The following PPP2R5C variants were observed in gnomAD, a reference collection of about 807,000 sequenced individuals.
PPP2R5C encodes the protein protein phosphatase 2 regulatory subunit B'gamma.
A neutral mutation model predicts 68.9 loss-of-function variants in PPP2R5C; 7 were observed. The observed-to-expected ratio is 0.10, with a 90% CI of 0.06 to 0.19. PPP2R5C has a LOEUF of 0.19. Ranked by LOEUF, PPP2R5C falls within the 10% of genes least tolerant of loss-of-function variation. The pLI is 1.00. For missense variants in PPP2R5C, 348 were observed against 641.3 expected (o/e 0.54, Z 4.94); for synonymous variants, 210 against 222.2 (o/e 0.95, Z 0.49).
intron 13 of PPP2R5C, among the ~76,000 whole-genome samples, chr14:101,920,299 G>A (rs2046939803): frequency 4.6e-5 from 7 of 152,204 alleles, no homozygotes; most frequent in Admixed American, 4.6e-4. Context: ...CCCTTAGAAA[G>A]GGGCACGTCC....
chr14:101,809,719 G>A, upstream of PPP2R5C: 1 of 910,626 alleles, frequency 1.1e-6, no homozygotes, highest in Non-Finnish European at 1.5e-6. Flanking sequence ...AGCTTTTAAG[G>A]CACACTGACA....
intron 3 of PPP2R5C, among the ~76,000 whole-genome samples, chr14:101,801,198 G>C (rs2038848090): frequency 6.6e-6 from 1 of 152,182 alleles, no homozygotes; most frequent in African/African-American, 2.4e-5. Flanking sequence ...CAAAGTAGCT[G>C]GAAGAGAAGA....
At chr14:101,793,400 C>T (rs1310463383) in intron 3 of PPP2R5C, among the ~76,000 whole-genome samples, 1 of 152,256 alleles carries the variant, frequency 6.6e-6, no homozygotes, top group African/African-American at 2.4e-5. Flanking sequence ...ATTTCCCTGA[C>T]CACTTCACGG....
At chr14:101,859,056 T>C (rs1327783491) in intron 2 of PPP2R5C, among the ~76,000 whole-genome samples, 1 of 152,212 alleles carries the variant, frequency 6.6e-6, no homozygotes, top group East Asian at 1.9e-4. Context: ...AACCTCGCGC[T>C]GGGCTCCAGA....
At chr14:101,805,087 T>A (rs185558662), upstream of PPP2R5C, among the ~76,000 whole-genome samples, 1 of 152,200 alleles carries the variant, frequency 6.6e-6, no homozygotes, top group Non-Finnish European at 1.5e-5. Context: ...TGCACTGTTT[T>A]TTGTTTTTTA....
intron 2 of PPP2R5C, among the ~76,000 whole-genome samples, chr14:101,771,513 G>A (rs1162480814): frequency 6.6e-6 from 1 of 152,096 alleles, no homozygotes; most frequent in African/African-American, 2.4e-5. Flanking sequence ...GGTGGATCAT[G>A]AGGTCAGGAG....
chr14:101,816,907 T>TA (rs11442597), intron 1 of PPP2R5C, among the ~76,000 whole-genome samples: 28,675 of 139,138 alleles, frequency 0.21, 3,853 homozygotes, highest in African/African-American at 0.37. Flanking sequence ...TAAATATATA[T>TA]ATAATATATA....
rs1366657827 is a variant in PPP2R5C, at chr14:101,913,217, A to T, written c.1326+744A>T. ...CTTAAAAAGAAAATCTTTTTCAGAAAATCTTTTGTCTGAATCTTTGCCACT... is the reference window on the plus strand; with the variant it reads ...CTTAAAAAGAAAATCTTTTTCAGAATATCTTTTGTCTGAATCTTTGCCACT... On this transcript the variant is annotated intron_variant, in intron 12 of 13. Coordinates refer to ENST00000334743, the Ensembl canonical transcript of PPP2R5C. The surrounding 1 kb of genome is among the most constrained non-coding windows in gnomAD (Gnocchi z 4.1). 6.6e-6 allele frequency among the ~76,000 whole-genome samples: 1 copy of T among 152,206 alleles called. No homozygotes were observed. Among genetic ancestry groups the T allele is most frequent in the Non-Finnish European group, 1.5e-5 (1 of 68,028 alleles).
intron 5 of PPP2R5C, among the ~76,000 whole-genome samples, chr14:101,886,008 G>A (rs993122152): frequency 3.3e-5 from 5 of 152,344 alleles, no homozygotes; most frequent in Non-Finnish European, 5.9e-5. Context: ...TGGGCCGGGC[G>A]TGGTGGCTCA....
intron 2 of PPP2R5C, among the ~76,000 whole-genome samples, chr14:101,763,492 C>T (rs2036671861): frequency 6.6e-6 from 1 of 152,040 alleles, no homozygotes; most frequent in Non-Finnish European, 1.5e-5. Context: ...AAGCAATTCT[C>T]CTGCCTCAGC....
exon 2 of PPP2R5C, chr14:101,856,875 T>C: frequency 6.2e-7 from 1 of 1,613,508 alleles, no homozygotes; most frequent in Non-Finnish European, 8.5e-7. Flanking sequence ...TACCCAGAAG[T>C]AGTCCATATG....
chr14:101,854,935 C>T (rs984813338), intron 1 of PPP2R5C, among the ~76,000 whole-genome samples: 4 of 152,130 alleles, frequency 2.6e-5, no homozygotes, highest in Admixed American at 2.0e-4. Context: ...TTTGGGAGGC[C>T]AAGGCAAGTG....
At chr14:101,775,790 C>T (rs769316483) in intron 2 of PPP2R5C, among the ~76,000 whole-genome samples, 22 of 152,276 alleles carry the variant, frequency 1.4e-4, no homozygotes, top group Non-Finnish European at 2.5e-4. Flanking sequence ...CCTTGCCTTG[C>T]CATGTGGACT....
intron 13 of PPP2R5C, among the ~76,000 whole-genome samples, chr14:101,923,945 G>A (rs2047149081): frequency 9.8e-6 from 1 of 102,262 alleles, no homozygotes. Flanking sequence ...TCAAAAGACT[G>A]ACTTAAATTT....
chr14:101,873,805 C>A (rs1010923563), intron 2 of PPP2R5C, among the ~76,000 whole-genome samples: 1 of 152,188 alleles, frequency 6.6e-6, no homozygotes, highest in African/African-American at 2.4e-5. Flanking sequence ...TCTGCCTATA[C>A]TACAACCTAA....
chr14:101,906,441 A>C lies in PPP2R5C; in HGVS notation c.1063A>C (p.Ile355Leu), dbSNP rs1023833838. The change falls in exon 10 of 14, where the codon ATC becomes CTC. Residue 355 changes from isoleucine to leucine, a missense_variant. By Grantham distance (5) the Ile-to-Leu change is conservative (BLOSUM62 2). This residue lies in a region of PPP2R5C where 101 missense variants were observed against 209.8 expected (regional missense o/e 0.48). Transcript: ENST00000334743. The surrounding 1 kb of genome is among the most constrained non-coding windows in gnomAD (Gnocchi z 4.0). ...TCTCTATTACTGGAATAATGAATAC[A>C]TCATGAGTTTAATCAGTGACAACGC... 1.2e-6 allele frequency: 2 copies of C among 1,611,782 alleles called. No homozygotes were observed. Among genetic ancestry groups the C allele is most frequent in the Non-Finnish European group, 1.7e-6 (2 of 1,179,544 alleles).
chr14:101,878,029 T>C (rs1185185553), intron 2 of PPP2R5C, among the ~76,000 whole-genome samples: 1 of 152,192 alleles, frequency 6.6e-6, no homozygotes, highest in Non-Finnish European at 1.5e-5. Flanking sequence ...AACTCAAGGG[T>C]GTAGCAGGGT....
At chr14:101,780,040 C>T (rs1051692092) in intron 2 of PPP2R5C, among the ~76,000 whole-genome samples, 2 of 152,182 alleles carry the variant, frequency 1.3e-5, no homozygotes, top group African/African-American at 4.8e-5. Context: ...TCCAGGCCTC[C>T]TCCTCCATAT....
intron 2 of PPP2R5C, among the ~76,000 whole-genome samples, chr14:101,870,354 T>C (rs890984992): frequency 6.6e-6 from 1 of 152,226 alleles, no homozygotes; most frequent in Admixed American, 6.5e-5. Context: ...CTGTGATCCA[T>C]TTTGTCTGCA....
Sources: allele counts gnomAD v4.1 joint callset (sites outside exome capture counted in the v4.1 genomes callset), GRCh38; gene constraint gnomAD v4.1.1; regional missense constraint gnomAD v4.1.1; non-coding constraint Gnocchi (gnomAD v3.1); transcripts MANE v1.5; gene names NCBI Gene and HGNC (gene_info 2026-07-23, HGNC 2026-07-21).